FMO5: variants seen among roughly 807,000 people sequenced by gnomAD.
FMO5 encodes the protein flavin containing dimethylaniline monoxygenase 5, also known as flavin-containing monooxygenase 5.
In FMO5, 51 loss-of-function variants were observed where a neutral mutation model predicts 43.6. That is an observed-to-expected ratio of 1.17 (90% CI 0.93 to 1.48). The LOEUF is 1.48. Among genes scored for constraint, FMO5 ranks in the 40% most tolerant of loss-of-function variants. FMO5 has a pLI of 0.00. For missense variants in FMO5, 644 were observed against 643.0 expected, an observed-to-expected ratio of 1.00 and a Z score of -0.02; for synonymous variants, 187 against 216.5, an observed-to-expected ratio of 0.86 and a Z score of 1.20.
At chr1:147,212,126 T>C (rs1430947039) in intron 5 of FMO5, among the ~76,000 whole-genome samples, 1 of 152,206 alleles carries the variant, frequency 6.6e-6, no homozygotes, top group Non-Finnish European at 1.5e-5. Flanking sequence ...GATGCCTGAT[T>C]AGGATAATGA....
intron 2 of FMO5, among the ~76,000 whole-genome samples, chr1:147,221,176 C>T (rs1553926178): frequency 6.6e-6 from 1 of 152,054 alleles, no homozygotes; most frequent in Non-Finnish European, 1.5e-5. Flanking sequence ...CAAAAAGAGC[C>T]TAAGGAGATA....
At position 147,203,246 on chromosome 1, in the gene FMO5, T is replaced by C. The variant is rs1328886369; in HGVS notation, c.831-1742A>G. ...TTAGAATACTACTACAAATACAGCC[T>C]TCACCTACAGTAAAAATTAAGCCAA... On this transcript the variant is annotated intron_variant, in intron 6 of 8. Transcript: ENST00000254090. 8.9e-6 allele frequency: 11 copies of C among 1,239,896 alleles called. No individual in the cohort carries two copies. The East Asian group carries it at 2.6e-4, about 29-fold the overall frequency. The allele number at this position is 1,239,896 out of a possible 1,614,324, so 76.8% of individuals were successfully genotyped here. A position where few individuals can be genotyped will look rare whatever the true frequency, so the allele number is the denominator to read the frequency against.
At chr1:147,197,707 G>GT (rs1198203385) in intron 7 of FMO5, among the ~76,000 whole-genome samples, 1 of 152,156 alleles carries the variant, frequency 6.6e-6, no homozygotes, top group Non-Finnish European at 1.5e-5. Flanking sequence ...AGAACTGTGA[G>GT]TGAATTAAAC....
At chr1:147,200,003 T>A (rs1658693396) in intron 7 of FMO5, among the ~76,000 whole-genome samples, 1 of 152,112 alleles carries the variant, frequency 6.6e-6, no homozygotes, top group Non-Finnish European at 1.5e-5. Flanking sequence ...TTAAACATCA[T>A]CTTGTTTCTC....
At chr1:147,184,512 T>G, downstream of FMO5, 1 of 1,547,404 alleles carries the variant, frequency 6.5e-7, no homozygotes, top group Admixed American at 2.0e-5. This position sits in a 1 kb window ranked among gnomAD's most constrained non-coding sequence, Gnocchi z 4.4. Context: ...TTAGGCCCCT[T>G]TATTCCGGGA....
intron 4 of FMO5, 111 bp downstream of exon 4, chr1:147,213,197 A>G (rs1235373972): frequency 8.4e-6 from 7 of 833,156 alleles, no homozygotes; most frequent in Non-Finnish European, 1.2e-5. Context: ...TAATTAGGAT[A>G]AGTCTTACTT....
At chr1:147,202,200 C>T (rs939995157) in intron 6 of FMO5, among the ~76,000 whole-genome samples, 1 of 151,472 alleles carries the variant, frequency 6.6e-6, no homozygotes, top group African/African-American at 2.4e-5. Context: ...GCGTAGGATA[C>T]GGATACTGGA....
At position 147,200,574 on chromosome 1, in the gene FMO5, T is replaced by G. The variant is rs1307417370; in HGVS notation, c.1183+578A>C. Reference sequence around the variant, plus strand: ...TTGGAAGCTATATCATTCTACTGACTCATATGAAACCTATTCCCCTTTTTT... The same window carrying G: ...TTGGAAGCTATATCATTCTACTGACGCATATGAAACCTATTCCCCTTTTTT... On this transcript the variant is annotated intron_variant, in intron 7 of 8. Coordinates refer to ENST00000254090, the MANE Select transcript of FMO5 (RefSeq NM_001461.4). 5.7e-5 allele frequency among the ~76,000 whole-genome samples: 7 copies of G among 122,928 alleles called. No individual in the cohort carries two copies. The East Asian group carries it at 1.5e-3, about 26-fold the overall frequency. 80.6% of individuals were successfully genotyped at this position (122,928 alleles called of 152,430 possible).
intron 7 of FMO5, among the ~76,000 whole-genome samples, chr1:147,194,651 GTTCCT>G (rs1553919376): frequency 1.3e-5 from 2 of 152,096 alleles, no homozygotes; most frequent in African/African-American, 2.4e-5. Flanking sequence ...GGTACCGGTT[GTTCCT>G]TTCCATGTTT....
chr1:147,215,966 T>C (rs1434048528), intron 2 of FMO5, 24 bp from the exon 3 acceptor site: 20 of 1,555,084 alleles, frequency 1.3e-5, no homozygotes, highest in Non-Finnish European at 1.4e-5. Context: ...AAAGTATTCA[T>C]AGCAACTTGA....
In FMO5 at chr1:147,200,856, T is replaced by C. The variant is rs1658846832; in HGVS notation, c.1183+296A>G. 6.6e-6 allele frequency among the ~76,000 whole-genome samples: 1 copy of C among 152,216 alleles called. No homozygotes were observed. The highest frequency in any genetic ancestry group is 2.4e-5 in the African/African-American group (1 of 41,448). On this transcript the variant is annotated intron_variant, in intron 7 of 8. Coordinates refer to ENST00000254090, the MANE Select transcript of FMO5 (RefSeq NM_001461.4). Reference sequence around the variant, plus strand: ...AATTTGGAGTACACATTGGAATTACTGGGGAATATTTTTCTCAAAGATGTT... The same window carrying C: ...AATTTGGAGTACACATTGGAATTACCGGGGAATATTTTTCTCAAAGATGTT...
At chr1:147,192,698 T>C (rs1421165374) in intron 7 of FMO5, among the ~76,000 whole-genome samples, 34 of 152,150 alleles carry the variant, frequency 2.2e-4, no homozygotes, top group Admixed American at 3.3e-4. Flanking sequence ...CGATACCTAA[T>C]TTATTGAGAG....
chr1:147,200,888 G>A (rs1459840045), intron 7 of FMO5, among the ~76,000 whole-genome samples: 3 of 152,068 alleles, frequency 2.0e-5, no homozygotes, highest in Non-Finnish European at 4.4e-5. Flanking sequence ...TGTTATGACT[G>A]CCCCACCCCA....
intron 7 of FMO5, among the ~76,000 whole-genome samples, chr1:147,192,406 T>C (rs1186569588): frequency 5.9e-5 from 9 of 152,122 alleles, no homozygotes; most frequent in Non-Finnish European, 8.8e-5. Context: ...TTAAGGAGAT[T>C]TTGGGCTGAG....
intron 5 of FMO5, among the ~76,000 whole-genome samples, 172 bp from the exon 6 acceptor site, chr1:147,209,223 TC>T (rs1479944118): frequency 8.6e-5 from 13 of 151,916 alleles, no homozygotes; most frequent in African/African-American, 3.1e-4. Flanking sequence ...ATCGAGACCA[TC>T]CTGGCTAACA....
intron 6 of FMO5, among the ~76,000 whole-genome samples, chr1:147,205,583 A>T (rs1325929801): frequency 6.6e-6 from 1 of 152,220 alleles, no homozygotes; most frequent in African/African-American, 2.4e-5. Flanking sequence ...GACCAATGGA[A>T]CAGAACAGAG....
intron 2 of FMO5, among the ~76,000 whole-genome samples, chr1:147,216,330 T>C (rs587709399): frequency 1.3e-4 from 20 of 152,290 alleles, no homozygotes; most frequent in African/African-American, 4.8e-4. Flanking sequence ...AGAAAATATA[T>C]GGCCAGTCCC....
intron 8 of FMO5, among the ~76,000 whole-genome samples, chr1:147,189,387 A>G (rs987962253): frequency 1.3e-5 from 2 of 152,124 alleles, no homozygotes; most frequent in Non-Finnish European, 2.9e-5. Flanking sequence ...TGGCAGTGAA[A>G]GGAAGGAGGA....
chr1:147,186,175 C>T (rs1655598764), downstream of FMO5: 2 of 229,542 alleles, frequency 8.7e-6, no homozygotes, highest in Admixed American at 6.5e-5. Flanking sequence ...AAAGGTAGGA[C>T]AGCTAATTTA....
Sources: gnomAD v4.1 joint callset for allele counts (sites outside exome capture counted in the v4.1 genomes callset) on GRCh38, gnomAD v4.1.1 for gene constraint, Gnocchi (gnomAD v3.1) non-coding constraint, MANE v1.5 for transcripts, NCBI Gene and HGNC (gene_info 2026-07-23, HGNC 2026-07-21) for gene names.